The following REN variants were observed in gnomAD, a reference collection of about 807,000 sequenced individuals.
REN encodes the protein renin, also known as angiotensin-forming enzyme.
REN carries 42 observed loss-of-function variants against 48.6 expected under a neutral mutation model. That is an observed-to-expected ratio of 0.86 (90% CI 0.68 to 1.12). The LOEUF (loss-of-function observed/expected upper bound fraction) is 1.12. REN is among the 50% of genes most tolerant of loss of function. REN has a pLI of 0.00. For synonymous variants in REN, 196 were observed against 204.6 expected, an observed-to-expected ratio of 0.96 and a Z score of 0.36; for missense variants, 443 against 527.3, an observed-to-expected ratio of 0.84 and a Z score of 1.57.
intron 1 of REN, among the ~76,000 whole-genome samples, chr1:204,164,525 G>C (rs1658308900): frequency 6.8e-6 from 1 of 147,698 alleles, no homozygotes. Flanking sequence ...CTTTCTCTGT[G>C]AGGCCTTTTC....
intron 5 of REN, among the ~76,000 whole-genome samples, chr1:204,158,093 G>A (rs1658179645): frequency 6.8e-6 from 1 of 147,544 alleles, no homozygotes; most frequent in Non-Finnish European, 1.5e-5. Flanking sequence ...TCTGCTTCTG[G>A]ATCTCACCCC....
In REN at chr1:204,166,184, G is replaced by C; in HGVS notation, c.98+12C>G. ...CCCCTCCCACCCCTTCTCTGCCTGA[G>C]TTACCAATTACCGTTTAAAGGTGGT... On this transcript the variant is annotated intron_variant, in intron 1 of 9. Coordinates refer to ENST00000272190, the MANE Select transcript of REN (RefSeq NM_000537.4). 6.2e-7 allele frequency: 1 copy of C among 1,612,028 alleles called. No homozygotes were observed. The highest frequency in any genetic ancestry group is 1.1e-5 in the South Asian group (1 of 91,036).
intron 3 of REN, among the ~76,000 whole-genome samples, chr1:204,161,011 T>G (rs1425401383): frequency 6.6e-6 from 1 of 152,190 alleles, no homozygotes; most frequent in Non-Finnish European, 1.5e-5. Context: ...GTGCCTGGGA[T>G]GGGTTTGAGA....
Position 204,159,595 on chromosome 1 carries a change from C to T in REN, c.493G>A (p.Val165Met), listed in dbSNP as rs1276829651. ...SGFLSQDIITVGGITVTQMFG... is the reference protein window; with the variant it reads ...SGFLSQDIITMGGITVTQMFG... ...ATCTGTGTCACCGTGATTCCACCCA[C>T]CTGTGGGAGGAAGGACCAGAGGAGA... Residue 165 changes from valine to methionine, a missense_variant and splice_region_variant, in exon 5 of 10, where the codon GTG (valine) becomes ATG (methionine). Physicochemically the swap from Val to Met is conservative, Grantham distance 21. Transcript: ENST00000272190. 6.2e-7 allele frequency: 1 copy of T among 1,614,172 alleles called. No homozygotes were observed. The highest frequency in any genetic ancestry group is 8.5e-7 in the Non-Finnish European group (1 of 1,180,010).
intron 4 of REN, 71 bp downstream of exon 4, chr1:204,160,489 C>T (rs1017783918): frequency 8.9e-6 from 9 of 1,009,022 alleles, no homozygotes; most frequent in East Asian, 2.4e-5. Context: ...CAGGTGTGGG[C>T]CCTGGAGGGT....
At chr1:204,166,150 A>C in intron 1 of REN, 46 bp downstream of exon 1, 14 of 1,521,326 alleles carry the variant, frequency 9.2e-6, no homozygotes, top group Non-Finnish European at 1.3e-5. Context: ...GGAAGGTGGG[A>C]ACCCTGCACC....
Position 204,154,988 on chromosome 1 carries a change from G to T in REN, c.*28C>A. On this transcript the variant is annotated 3_prime_UTR_variant, in exon 10 of 10. Transcript: ENST00000272190. Reference sequence around the variant, plus strand: ...TTCCAGCTCTGGGCCAGGGCTGAAGGCAGGGCCTGCCTGGGTGGCAGAGGG... The same window carrying T: ...TTCCAGCTCTGGGCCAGGGCTGAAGTCAGGGCCTGCCTGGGTGGCAGAGGG... The T allele has an allele frequency of 6.2e-7, 1 of 1,612,502 alleles. No homozygotes were observed. The highest frequency in any genetic ancestry group is 8.5e-7 in the Non-Finnish European group (1 of 1,179,856).
At chr1:204,160,473 T>G in intron 4 of REN, 87 bp downstream of exon 4, 2 of 879,888 alleles carry the variant, frequency 2.3e-6, no homozygotes, top group South Asian at 1.3e-5. Context: ...GCAGTGTACC[T>G]CCCCGCAGGT....
In REN at chr1:204,155,916, A is replaced by C; in HGVS notation, c.963T>G (p.Tyr321Ter). Residue 321 changes from tyrosine to a stop codon, truncating the protein, a stop_gained and splice_region_variant, in exon 9 of 10, where the codon TAT becomes TAG. Coordinates refer to ENST00000272190, the MANE Select transcript of REN (RefSeq NM_000537.4). LOFTEE classifies it high-confidence loss of function. ...ALGAKKRLFD[Y>*]VVKCNEGPTL... Reference sequence around the variant, plus strand: ...TAGGGCCCTCGTTACACTTCACGACATACTGGGGTGGGGGGCAAAGAGAGC... The same window carrying C: ...TAGGGCCCTCGTTACACTTCACGACCTACTGGGGTGGGGGGCAAAGAGAGC... 2 of 1,612,854 alleles carry C rather than the reference A, an allele frequency of 1.2e-6. No individual in the cohort carries two copies. Among genetic ancestry groups the C allele is most frequent in the Non-Finnish European group, 1.7e-6 (2 of 1,179,172 alleles).
In REN at chr1:204,166,269, G is replaced by T. The variant is rs115181548; in HGVS notation, c.25C>A (p.Arg9Ser). MDGWRRMP[R>S]WGLLLLLWGS... is the part of the protein sequence containing the mutation. ...CAGAGCAGCAGCAGCAGTCCCCAGC[G>T]AGGCATCCTTCTCCATCCATCCATG... is the stretch of plus-strand genomic sequence containing the variant. The change falls in exon 1 of 10, where the codon CGC becomes AGC. Residue 9 changes from arginine to serine, a missense_variant. Arg to Ser is a moderately radical substitution (Grantham distance 110). Coordinates refer to ENST00000272190, the MANE Select transcript of REN (RefSeq NM_000537.4). 1.9e-6 allele frequency: 3 copies of T among 1,614,210 alleles called. No homozygotes were observed. The Admixed American group carries it at 5.0e-5, about 27-fold the overall frequency.
chr1:204,156,364 AAGG>A lies in REN; in HGVS notation c.819-48_819-46del, dbSNP rs755363225. On this transcript the variant is annotated intron_variant, in intron 7 of 9. Transcript: ENST00000272190. The surrounding 1 kb of genome is among the most constrained non-coding windows in gnomAD (Gnocchi z 4.2). ...GACAGACAGACAGACAGACAGACAG[AAGG>A]CTGATGGGGCACCTCCAGGCTGCAT... 2.5e-6 allele frequency: 4 copies of A among 1,601,708 alleles called. No individual in the cohort carries two copies. The highest frequency in any genetic ancestry group is 1.7e-5 in the Admixed American group (1 of 59,516).
At chr1:204,157,946 G>C (rs572873636) in intron 5 of REN, among the ~76,000 whole-genome samples, 35 of 152,108 alleles carry the variant, frequency 2.3e-4, no homozygotes, top group Admixed American at 1.4e-3. Context: ...CTCTTTCAAG[G>C]CCTCCAAACT....
Position 204,160,434 on chromosome 1 carries a change from TC to T in REN, c.492+125del. On this transcript the variant is annotated intron_variant, in intron 4 of 9. Transcript: ENST00000272190. ...AGCCAGATGTGGCAGAGTAGGGTGTTCCTCAGCTCCCCAGGCTCCAAGTGGG... is the reference window on the plus strand; with the variant it reads ...AGCCAGATGTGGCAGAGTAGGGTGTTCTCAGCTCCCCAGGCTCCAAGTGGG... 1.5e-5 allele frequency: 11 copies of T among 751,672 alleles called. No homozygotes were observed. The South Asian group carries it at 1.6e-4, about 11-fold the overall frequency. 46.6% of individuals were successfully genotyped at this position (751,672 alleles called of 1,614,324 possible).
intron 3 of REN, 73 bp from the exon 4 acceptor site, chr1:204,160,751 G>T: frequency 9.3e-7 from 1 of 1,070,272 alleles, no homozygotes; most frequent in Non-Finnish European, 1.5e-6. Flanking sequence ...AGGGTGCATT[G>T]TGGGTATGGC....
Position 204,158,459 on chromosome 1 carries a change from CT to C in REN, c.689+939del, listed in dbSNP as rs557871396. ...TTGAGACTGGATCTCACTCTGTTGCCTTAGCTGGAGTGCAGTGGCACAATCA... is the reference window on the plus strand; with the variant it reads ...TTGAGACTGGATCTCACTCTGTTGCCTAGCTGGAGTGCAGTGGCACAATCA... On this transcript the variant is annotated intron_variant, in intron 5 of 9. Transcript: ENST00000272190. 5.1e-4 allele frequency among the ~76,000 whole-genome samples: 71 copies of C among 138,250 alleles called. No homozygotes were observed. The South Asian group carries it at 0.015, about 29-fold the overall frequency. The allele number at this position is 138,250 out of a possible 152,430, so 90.7% of individuals were successfully genotyped here.
At chr1:204,160,814 A>T (rs1351367134) in intron 3 of REN, 136 bp from the exon 4 acceptor site, 1 of 770,652 alleles carries the variant, frequency 1.3e-6, no homozygotes, top group Non-Finnish European at 2.4e-6. Context: ...GGCTTGGAAT[A>T]TGTGCTTCAT....
intron 1 of REN, among the ~76,000 whole-genome samples, chr1:204,164,589 T>A (rs1368946370): frequency 3.2e-5 from 4 of 125,176 alleles, no homozygotes; most frequent in South Asian, 2.6e-4. Flanking sequence ...TTTTTTTTTT[T>A]ACATAAGGTC....
In REN at chr1:204,156,623, A is replaced by ACC. The variant is rs1306169835; in HGVS notation, c.818+52_818+53dup. 8.7e-6 allele frequency: 14 copies of ACC among 1,609,410 alleles called. No homozygotes were observed. The African/African-American group carries it at 1.7e-4, about 20-fold the overall frequency. ...ATGCAGTCCTTCCCCACCCTCCCCA[A>ACC]CCCCAGTGACGGCAGCATTTTTTGG... On this transcript the variant is annotated intron_variant, in intron 7 of 9. Coordinates refer to ENST00000272190, the MANE Select transcript of REN (RefSeq NM_000537.4). This position sits in a 1 kb window ranked among gnomAD's most constrained non-coding sequence, Gnocchi z 4.2.
At chr1:204,159,345 A>C (rs1400571272) in intron 5 of REN, 54 bp downstream of exon 5, 2 of 1,530,208 alleles carry the variant, frequency 1.3e-6, no homozygotes, top group South Asian at 2.2e-5. Flanking sequence ...TCCACTCCCC[A>C]TCTCTTCTCC....
Sources: gnomAD v4.1 joint callset for allele counts (sites outside exome capture counted in the v4.1 genomes callset) on GRCh38, gnomAD v4.1.1 for gene constraint, Gnocchi (gnomAD v3.1) non-coding constraint, MANE v1.5 for transcripts, NCBI Gene and HGNC (gene_info 2026-07-23, HGNC 2026-07-21) for gene names.